Variants in RASGRF2 observed in about 807,000 individuals in gnomAD.
RASGRF2 encodes the protein Ras protein specific guanine nucleotide releasing factor 2, also known as ras-specific guanine nucleotide-releasing factor 2.
RASGRF2 carries 76 observed loss-of-function variants against 151.0 expected under a neutral mutation model. The ratio of observed to expected loss-of-function variants is 0.50; its 90% CI spans 0.42 to 0.61. RASGRF2 has a LOEUF of 0.61. Among genes scored for constraint, RASGRF2 ranks in the 20% least tolerant of loss-of-function variants. The probability of loss-of-function intolerance (pLI) is 0.00; values close to 1 mark genes in which losing one functional copy is unlikely to be tolerated. For missense variants in RASGRF2, 1,148 were observed against 1,564.6 expected, an observed-to-expected ratio of 0.73 and a Z score of 4.49; for synonymous variants, 504 against 566.5, an observed-to-expected ratio of 0.89 and a Z score of 1.57.
chr5:81,055,751 G>A (rs557315920), intron 2 of RASGRF2, among the ~76,000 whole-genome samples: 95 of 152,220 alleles, frequency 6.2e-4, no homozygotes, highest in African/African-American at 2.1e-3. Context: ...CTGTGAATCT[G>A]TCTGGTCCTG....
chr5:81,013,510 A>G (rs976104855), intron 1 of RASGRF2, among the ~76,000 whole-genome samples: 3 of 152,090 alleles, frequency 2.0e-5, no homozygotes, highest in Non-Finnish European at 4.4e-5. Context: ...CACGGAGCTC[A>G]TGCACAATTC....
At chr5:81,162,976 C>A (rs910618730) in intron 17 of RASGRF2, among the ~76,000 whole-genome samples, 7 of 152,068 alleles carry the variant, frequency 4.6e-5, no homozygotes, top group African/African-American at 1.7e-4. Context: ...ATCAAGGGGG[C>A]TGCTGTCTCT....
intron 12 of RASGRF2, among the ~76,000 whole-genome samples, chr5:81,107,196 CAAAAAAA>C (rs35987554): frequency 1.1e-5 from 1 of 94,294 alleles, no homozygotes; most frequent in Admixed American, 1.2e-4. Context: ...CCTGTCTCTA[CAAAAAAA>C]AAAAAAAAAA....
intron 18 of RASGRF2, among the ~76,000 whole-genome samples, chr5:81,194,264 C>A (rs913318946): frequency 6.6e-6 from 1 of 151,312 alleles, no homozygotes; most frequent in Non-Finnish European, 1.5e-5. Context: ...GCCGAGGTGG[C>A]GGGAATCCCT....
At chr5:81,042,851 T>C (rs1450844637) in intron 1 of RASGRF2, 26 bp from the exon 2 acceptor site, 1 of 1,526,848 alleles carries the variant, frequency 6.5e-7, no homozygotes, top group South Asian at 1.2e-5. Context: ...TAGAACTAAG[T>C]TTTTTGTGTT....
At chr5:81,154,384 G>A (rs1045139572) in intron 17 of RASGRF2, among the ~76,000 whole-genome samples, 1 of 152,106 alleles carries the variant, frequency 6.6e-6, no homozygotes, top group Non-Finnish European at 1.5e-5. Flanking sequence ...AGGACTACTG[G>A]ACTGACTAAT....
At chr5:81,092,715 C>A in intron 9 of RASGRF2, 86 bp from the exon 10 acceptor site, 1 of 1,281,548 alleles carries the variant, frequency 7.8e-7, no homozygotes, top group Non-Finnish European at 1.1e-6. Flanking sequence ...TTTTGGGAAA[C>A]AGACCTTAGT....
intron 1 of RASGRF2, among the ~76,000 whole-genome samples, chr5:80,995,485 A>G (rs1443334173): frequency 6.6e-6 from 1 of 151,720 alleles, no homozygotes; most frequent in East Asian, 1.9e-4. Flanking sequence ...CGTGGTAACA[A>G]TATTTATTCA....
chr5:80,963,807 A>T (rs920822933), intron 1 of RASGRF2, among the ~76,000 whole-genome samples: 2 of 152,210 alleles, frequency 1.3e-5, no homozygotes, highest in African/African-American at 4.8e-5. Flanking sequence ...CTTGACAGTT[A>T]CAATAGTTGA....
At chr5:81,048,823 CT>C (rs1401862768) in intron 2 of RASGRF2, among the ~76,000 whole-genome samples, 1 of 152,204 alleles carries the variant, frequency 6.6e-6, no homozygotes, top group African/African-American at 2.4e-5. Context: ...CGCTCCTTAC[CT>C]TTTTTTCCTG....
chr5:80,991,713 T>C (rs2112263685), intron 1 of RASGRF2, among the ~76,000 whole-genome samples: 1 of 152,350 alleles, frequency 6.6e-6, no homozygotes. Flanking sequence ...CAAGATAATA[T>C]ATACAAAAAA....
At chr5:81,005,170 C>T (rs549906) in intron 1 of RASGRF2, among the ~76,000 whole-genome samples, 34,180 of 152,050 alleles carry the variant, frequency 0.22, 4,565 homozygotes, top group Middle Eastern at 0.46. Context: ...TCTATTCCCA[C>T]GCTGCTAATA....
chr5:81,201,210 T>A (rs1055002417), intron 18 of RASGRF2, 120 bp from the exon 19 acceptor site: 5 of 1,420,424 alleles, frequency 3.5e-6, no homozygotes, highest in Non-Finnish European at 4.6e-6. Flanking sequence ...AACTCTAGGG[T>A]CCATACATTT....
chr5:81,021,365 G>T (rs2112337179), intron 1 of RASGRF2, among the ~76,000 whole-genome samples: 1 of 728 alleles, frequency 1.4e-3, no homozygotes, highest in South Asian at 0.1. Context: ...TTCTCCTTAA[G>T]ACCTCCTCCC....
chr5:81,177,075 A>G (rs1046311133), intron 17 of RASGRF2, among the ~76,000 whole-genome samples: 9 of 152,112 alleles, frequency 5.9e-5, no homozygotes, highest in African/African-American at 1.7e-4. Flanking sequence ...TACAATCCCA[A>G]CACCATGCTA....
At chr5:81,086,265 T>C (rs1408413659) in intron 8 of RASGRF2, among the ~76,000 whole-genome samples, 1 of 152,044 alleles carries the variant, frequency 6.6e-6, no homozygotes. Context: ...CTTGGGAAGC[T>C]GAGACGAGGG....
chr5:80,996,471 TTTCTTCTTCTTCTTC>T (rs530555928), intron 1 of RASGRF2, among the ~76,000 whole-genome samples: 1 of 38,322 alleles, frequency 2.6e-5, no homozygotes, highest in Non-Finnish European at 4.8e-5. Context: ...ATGTGTAAAG[TTTCTTCTTCTTCTTC>T]TTCTTCTTCT....
intron 19 of RASGRF2, among the ~76,000 whole-genome samples, chr5:81,205,940 AGG>A (rs1333965117): frequency 1.3e-5 from 2 of 152,052 alleles, no homozygotes; most frequent in African/African-American, 4.8e-5. Context: ...TAGTAGAGGC[AGG>A]GTTTCACCGT....
chr5:81,067,208 C>G (rs577392795), intron 2 of RASGRF2, among the ~76,000 whole-genome samples: 3 of 152,214 alleles, frequency 2.0e-5, no homozygotes, highest in Admixed American at 6.5e-5. Context: ...ATCCTATGCA[C>G]TCAATAAATA....
Sources: gnomAD v4.1 joint callset for allele counts (sites outside exome capture counted in the v4.1 genomes callset) on GRCh38, gnomAD v4.1.1 for gene constraint, MANE v1.5 for transcripts, NCBI Gene and HGNC (gene_info 2026-07-23, HGNC 2026-07-21) for gene names.